WDR41: variants seen among roughly 807,000 people sequenced by gnomAD.
WDR41 encodes the protein WD repeat-containing protein 41.
Under a neutral mutation model 69.3 loss-of-function variants are expected in WDR41, and 63 were observed. The ratio of observed to expected loss-of-function variants is 0.91; its 90% CI spans 0.74 to 1.12. The LOEUF (loss-of-function observed/expected upper bound fraction) is 1.12. Ranked by LOEUF, WDR41 falls within the 50% of genes most tolerant of loss-of-function variation. The pLI is 0.00. For synonymous variants in WDR41, 185 were observed against 192.1 expected (o/e 0.96, Z 0.31); for missense variants, 543 against 534.5 (o/e 1.02, Z -0.16).
At chr5:77,565,494 G>A (rs1580012523) in intron 1 of WDR41, among the ~76,000 whole-genome samples, 2 of 152,172 alleles carry the variant, frequency 1.3e-5, no homozygotes, top group African/African-American at 2.4e-5. Context: ...ATTCCAACTT[G>A]AGGTCATGAG....
In WDR41 at chr5:77,617,364, T is replaced by C. The variant is rs545791702; in HGVS notation, c.42+3115A>G. ...GTTATATACAAAACATTCTTTAAAA[T>C]AATTTTCTGTCTCTCTCATCTACAC... is the stretch of plus-strand genomic sequence containing the variant. On this transcript the variant is annotated intron_variant, in intron 1 of 5. Coordinates refer to the WDR41 transcript ENST00000509971. Among the ~76,000 whole-genome samples, 8 of 152,134 alleles carry C rather than the reference T, an allele frequency of 5.3e-5. No individual in the cohort carries two copies. The South Asian group carries it at 1.7e-3, about 32-fold the overall frequency.
rs1802017712 is a variant in WDR41 at position 77,501,482 on chromosome 5, C to A, written c.43-11910G>T. On this transcript the variant is annotated intron_variant, in intron 1 of 5. Coordinates refer to the WDR41 transcript ENST00000509971. The stretch of plus-strand genomic sequence containing the variant: ...AACAAAAGTCAGCAGACAACTTCTG[C>A]AGACTTAAATGTCCCTGTCTGACAG... Among the ~76,000 whole-genome samples, 4 of 152,366 alleles carry A rather than the reference C, an allele frequency of 2.6e-5. No homozygotes were observed. In the South Asian group the frequency reaches 8.3e-4, roughly 32 times the overall value.
At chr5:77,470,731 T>A (rs1351023573) in intron 2 of WDR41, among the ~76,000 whole-genome samples, 1 of 152,158 alleles carries the variant, frequency 6.6e-6, no homozygotes, top group Non-Finnish European at 1.5e-5. Context: ...GAGCTAACTA[T>A]CCTAAATATA....
chr5:77,471,893 A>T (rs971604684), intron 2 of WDR41, among the ~76,000 whole-genome samples: 2 of 152,212 alleles, frequency 1.3e-5, no homozygotes, highest in Admixed American at 6.5e-5. Context: ...ACTCCAATCA[A>T]CAGAAAAAGA....
At chr5:77,543,432 A>G (rs1410196159) in intron 1 of WDR41, among the ~76,000 whole-genome samples, 1 of 151,522 alleles carries the variant, frequency 6.6e-6, no homozygotes, top group Non-Finnish European at 1.5e-5. Flanking sequence ...AGAAATATTC[A>G]AGGAAATAGA....
chr5:77,609,773 G>C (rs1264777430), intron 1 of WDR41, among the ~76,000 whole-genome samples: 2 of 152,250 alleles, frequency 1.3e-5, no homozygotes, highest in African/African-American at 4.8e-5. Context: ...AAGGAACACA[G>C]TTCCTCACCA....
intron 2 of WDR41, among the ~76,000 whole-genome samples, chr5:77,477,075 G>C (rs1349179434): frequency 3.4e-5 from 5 of 148,598 alleles, no homozygotes; most frequent in East Asian, 2.0e-4. Context: ...AAGAGATAAA[G>C]AAGGCCATTA....
chr5:77,602,830 G>C (rs369881289), intron 1 of WDR41, among the ~76,000 whole-genome samples: 2 of 151,992 alleles, frequency 1.3e-5, no homozygotes, highest in East Asian at 3.9e-4. Context: ...GTTTGTTTGA[G>C]AAATCTCCAC....
At chr5:77,456,041 A>G (rs1561739944) in intron 5 of WDR41, among the ~76,000 whole-genome samples, 1 of 152,076 alleles carries the variant, frequency 6.6e-6, no homozygotes, top group Non-Finnish European at 1.5e-5. Context: ...CAATCTGTAG[A>G]TCAATGTGGG....
intron 1 of WDR41, among the ~76,000 whole-genome samples, chr5:77,522,932 C>A (rs1802391543): frequency 6.6e-6 from 1 of 152,186 alleles, no homozygotes; most frequent in Non-Finnish European, 1.5e-5. Context: ...AGGTGCAGAG[C>A]ATTCCTTTGA....
chr5:77,594,363 A>G (rs1426711245), intron 1 of WDR41, among the ~76,000 whole-genome samples: 1 of 152,118 alleles, frequency 6.6e-6, no homozygotes, highest in Admixed American at 6.6e-5. Context: ...ATGTATACAT[A>G]TGTAACAAAC....
chr5:77,532,505 C>T (rs1039944349), intron 1 of WDR41, among the ~76,000 whole-genome samples: 3 of 151,994 alleles, frequency 2.0e-5, no homozygotes, highest in Non-Finnish European at 4.4e-5. Flanking sequence ...AAAAGAATGT[C>T]CATAACAACT....
chr5:77,602,696 T>C (rs1287486860), intron 1 of WDR41, among the ~76,000 whole-genome samples: 7 of 152,210 alleles, frequency 4.6e-5, no homozygotes, highest in Admixed American at 4.6e-4. Context: ...CTATTATAAA[T>C]AGTGCAGCAA....
Position 77,607,813 on chromosome 5 carries a change from G to A in WDR41, c.42+12666C>T, listed in dbSNP as rs149815665. ...ATAAGTGGATTTTAAAATACTTTTT[G>A]CTGACTTTGTATACATTTTAAGTTT... On this transcript the variant is annotated intron_variant, in intron 1 of 5. Coordinates refer to the WDR41 transcript ENST00000509971. Among the ~76,000 whole-genome samples, 681 of 152,130 alleles carry A rather than the reference G, an allele frequency of 4.5e-3. 2 individuals are homozygous for A. The highest frequency in any genetic ancestry group is 0.015 in the African/African-American group (643 of 41,500).
intron 2 of WDR41, among the ~76,000 whole-genome samples, chr5:77,467,408 C>T (rs1292927859): frequency 6.6e-6 from 1 of 151,940 alleles, no homozygotes; most frequent in African/African-American, 2.4e-5. Flanking sequence ...GATCTTAAAA[C>T]TTTATGATTG....
intron 1 of WDR41, among the ~76,000 whole-genome samples, chr5:77,541,350 A>G (rs1261522260): frequency 6.6e-6 from 1 of 152,138 alleles, no homozygotes; most frequent in Non-Finnish European, 1.5e-5. Context: ...AACATGAAAA[A>G]AAGCTCAATA....
intron 1 of WDR41, among the ~76,000 whole-genome samples, chr5:77,521,745 A>G (rs910188335): frequency 5.9e-5 from 9 of 152,138 alleles, no homozygotes; most frequent in Non-Finnish European, 4.4e-5. Context: ...ATAATCACAC[A>G]TTTTACTGCA....
chr5:77,610,350 T>C (rs1311639451), intron 1 of WDR41, among the ~76,000 whole-genome samples: 1 of 152,128 alleles, frequency 6.6e-6, no homozygotes, highest in Non-Finnish European at 1.5e-5. Flanking sequence ...AGACACATAA[T>C]TGTCAGATTC....
chr5:77,560,625 GA>G (rs908690957), intron 1 of WDR41, among the ~76,000 whole-genome samples: 32 of 150,806 alleles, frequency 2.1e-4, no homozygotes, highest in African/African-American at 9.7e-5. Flanking sequence ...TTGGCAAAAA[GA>G]AAAAAAAAGT....
Sources: allele counts gnomAD v4.1 joint callset (sites outside exome capture counted in the v4.1 genomes callset), GRCh38; gene constraint gnomAD v4.1.1; transcripts MANE v1.5; gene names NCBI Gene and HGNC (gene_info 2026-07-23, HGNC 2026-07-21).